Variants in ARHGAP15 observed in about 807,000 individuals in gnomAD.
ARHGAP15 encodes Rho GTPase activating protein 15.
A neutral mutation model predicts 63.7 loss-of-function variants in ARHGAP15; 51 were observed. That is an observed-to-expected ratio of 0.80 (90% CI 0.64 to 1.01). The LOEUF (loss-of-function observed/expected upper bound fraction) is 1.01, where lower values mean the gene tolerates loss of function less well. Among genes scored for constraint, ARHGAP15 ranks in the 50% least tolerant of loss-of-function variants. The pLI is 0.00. For synonymous variants in ARHGAP15, 191 were observed against 193.8 expected (o/e 0.99, Z 0.12); for missense variants, 560 against 564.6 (o/e 0.99, Z 0.08).
At chr2:143,277,641 G>A (rs1681626382) in intron 6 of ARHGAP15, among the ~76,000 whole-genome samples, 1 of 151,948 alleles carries the variant, frequency 6.6e-6, no homozygotes, top group Admixed American at 6.6e-5. Flanking sequence ...CCTACATGGT[G>A]CAATGGGGTC....
chr2:143,182,971 C>A (rs1257754636), intron 2 of ARHGAP15, among the ~76,000 whole-genome samples: 1 of 151,996 alleles, frequency 6.6e-6, no homozygotes, highest in African/African-American at 2.4e-5. Context: ...AGGCCAGCTG[C>A]CAGGAATAGA....
chr2:143,515,703 T>C (rs1456070762), intron 9 of ARHGAP15, among the ~76,000 whole-genome samples: 1 of 152,164 alleles, frequency 6.6e-6, no homozygotes, highest in Non-Finnish European at 1.5e-5. Flanking sequence ...TCAATAGAGA[T>C]GATTTTCACT....
rs555277371 is a variant in ARHGAP15, at chr2:143,630,259, C to A, written c.1138+5992C>A. On this transcript the variant is annotated intron_variant, in intron 12 of 13. Transcript: ENST00000295095. ...TTGACTTCTCTGGGTACATTTTAACCCTGCACTCTGATTTCTATGATCAAT... is the reference window on the plus strand; with the variant it reads ...TTGACTTCTCTGGGTACATTTTAACACTGCACTCTGATTTCTATGATCAAT... 3.3e-5 allele frequency among the ~76,000 whole-genome samples: 5 copies of A among 152,004 alleles called. No homozygotes were observed. In the East Asian group the frequency reaches 5.8e-4, roughly 18 times the overall value.
chr2:143,299,451 C>T (rs2105145946), intron 6 of ARHGAP15, among the ~76,000 whole-genome samples: 1 of 152,052 alleles, frequency 6.6e-6, no homozygotes, highest in South Asian at 2.1e-4. Context: ...TTATTGATGA[C>T]ATCTCATTAT....
chr2:143,634,223 G>T (rs1559092767), intron 12 of ARHGAP15, among the ~76,000 whole-genome samples: 1 of 151,946 alleles, frequency 6.6e-6, no homozygotes, highest in African/African-American at 2.4e-5. Context: ...TGCTCCATCT[G>T]TCTACCGAAC....
intron 12 of ARHGAP15, among the ~76,000 whole-genome samples, chr2:143,669,846 A>G (rs1450345018): frequency 6.6e-6 from 1 of 152,202 alleles, no homozygotes; most frequent in Non-Finnish European, 1.5e-5. Flanking sequence ...GGGCTCCAGT[A>G]TGGAGGGAGC....
intron 12 of ARHGAP15, among the ~76,000 whole-genome samples, chr2:143,648,109 C>T (rs1574768432): frequency 6.6e-6 from 1 of 152,010 alleles, no homozygotes. Context: ...AGGTTGAACA[C>T]TTGCATGATT....
chr2:143,131,997 T>TA (rs548327603), intron 1 of ARHGAP15, among the ~76,000 whole-genome samples: 1,886 of 144,152 alleles, frequency 0.013, 22 homozygotes, highest in African/African-American at 0.043. Flanking sequence ...TTGCAGCAGG[T>TA]AAAAAAAAAA....
chr2:143,763,759 TATATAA>T (rs1686854787), intron 13 of ARHGAP15, among the ~76,000 whole-genome samples: 2 of 148,094 alleles, frequency 1.4e-5, no homozygotes, highest in Non-Finnish European at 1.5e-5. Context: ...TATATGTATG[TATATAA>T]ATATATTTAT....
At chr2:143,424,817 T>G (rs910127370) in intron 6 of ARHGAP15, among the ~76,000 whole-genome samples, 2 of 152,148 alleles carry the variant, frequency 1.3e-5, no homozygotes, top group Admixed American at 6.6e-5. Flanking sequence ...ATTAGAAGCT[T>G]CTTAAGAGGA....
chr2:143,312,959 TTCTG>T lies in ARHGAP15; in HGVS notation c.474+62366_474+62369del, dbSNP rs550366451. On this transcript the variant is annotated intron_variant, in intron 6 of 13. Coordinates refer to ENST00000295095, the MANE Select transcript of ARHGAP15 (RefSeq NM_018460.4). ...TAAGACTGCCCTCTTAGTGTTTGAA[TTCTG>T]TCTGTCACACTTTACACCATGGTTG... Among the ~76,000 whole-genome samples, 9 of 152,328 alleles carry T rather than the reference TTCTG, an allele frequency of 5.9e-5. No homozygotes were observed. In the East Asian group the frequency reaches 1.5e-3, roughly 26 times the overall value.
chr2:143,405,069 G>GA (rs1450687330), intron 6 of ARHGAP15, among the ~76,000 whole-genome samples: 1 of 151,768 alleles, frequency 6.6e-6, no homozygotes, highest in Non-Finnish European at 1.5e-5. Context: ...AATAATAGGT[G>GA]AAAAATCAAG....
intron 11 of ARHGAP15, among the ~76,000 whole-genome samples, chr2:143,614,111 C>G (rs1034012955): frequency 1.3e-5 from 2 of 152,104 alleles, no homozygotes; most frequent in African/African-American, 4.8e-5. Flanking sequence ...CTCTTCTCTT[C>G]CTCTCTCCCA....
At chr2:143,155,097 A>G (rs1164399355) in intron 1 of ARHGAP15, among the ~76,000 whole-genome samples, 1 of 151,890 alleles carries the variant, frequency 6.6e-6, no homozygotes, top group Non-Finnish European at 1.5e-5. Flanking sequence ...GTAGGGGTAA[A>G]GTGGGTAATA....
At chr2:143,440,219 T>C (rs1689812330) in intron 8 of ARHGAP15, among the ~76,000 whole-genome samples, 2 of 152,192 alleles carry the variant, frequency 1.3e-5, no homozygotes, top group Middle Eastern at 3.2e-3. Flanking sequence ...TTGACATGTT[T>C]TATATTTGAT....
chr2:143,500,861 C>G (rs928002204), intron 9 of ARHGAP15, among the ~76,000 whole-genome samples: 1 of 152,140 alleles, frequency 6.6e-6, no homozygotes, highest in Admixed American at 6.5e-5. Context: ...CATTCTCTTT[C>G]AACAGTTGTT....
chr2:143,342,142 C>T (rs778774109), intron 6 of ARHGAP15, among the ~76,000 whole-genome samples: 95 of 151,942 alleles, frequency 6.3e-4, no homozygotes, highest in Non-Finnish European at 8.2e-4. Flanking sequence ...TTGTACATAA[C>T]GACATGATAG....
intron 5 of ARHGAP15, among the ~76,000 whole-genome samples, chr2:143,240,169 CTG>C (rs1693813071): frequency 6.6e-6 from 1 of 151,226 alleles, no homozygotes; most frequent in Non-Finnish European, 1.5e-5. Context: ...GAATGAGACT[CTG>C]TCTCTAAAAA....
At chr2:143,349,339 G>A (rs977823949) in intron 6 of ARHGAP15, among the ~76,000 whole-genome samples, 3 of 152,196 alleles carry the variant, frequency 2.0e-5, no homozygotes, top group Non-Finnish European at 4.4e-5. Flanking sequence ...GCCTACCACT[G>A]TCTCCAAGAA....
Sources: gnomAD v4.1 joint callset for allele counts (sites outside exome capture counted in the v4.1 genomes callset) on GRCh38, gnomAD v4.1.1 for gene constraint, MANE v1.5 for transcripts, NCBI Gene and HGNC (gene_info 2026-07-23, HGNC 2026-07-21) for gene names.